ADCY2: variants seen among roughly 807,000 people sequenced by gnomAD.
The protein encoded by ADCY2 is adenylate cyclase type 2.
ADCY2 carries 31 observed loss-of-function variants against 125.2 expected under a neutral mutation model. The ratio of observed to expected loss-of-function variants is 0.25; its 90% confidence interval spans 0.19 to 0.33. ADCY2 has a LOEUF of 0.33. Among genes scored for constraint, ADCY2 ranks in the 10% least tolerant of loss-of-function variants. The pLI, the probability that ADCY2 is intolerant of heterozygous loss-of-function variation, is 1.00. For synonymous variants in ADCY2, 512 were observed against 548.4 expected (o/e 0.93, Z 0.93); for missense variants, 904 against 1,418.2 (o/e 0.64, Z 5.82).
At chr5:7,726,711 A>C (rs1321657954) in intron 13 of ADCY2, among the ~76,000 whole-genome samples, 2 of 152,198 alleles carry the variant, frequency 1.3e-5, no homozygotes, top group Non-Finnish European at 2.9e-5. Flanking sequence ...ACAAATAATA[A>C]AATAAAATAC....
intron 3 of ADCY2, among the ~76,000 whole-genome samples, chr5:7,579,826 G>C (rs1736370024): frequency 6.6e-6 from 1 of 152,172 alleles, no homozygotes; most frequent in Admixed American, 6.5e-5. Context: ...GAATTTTAAA[G>C]TGGCTATAAC....
At chr5:7,752,871 A>T (rs1459727060) in intron 15 of ADCY2, among the ~76,000 whole-genome samples, 2 of 148,668 alleles carry the variant, frequency 1.3e-5, no homozygotes, top group East Asian at 4.0e-4. Context: ...TGTCCCCATC[A>T]TCAATTCTAT....
At chr5:7,621,041 T>C (rs780541064) in intron 3 of ADCY2, among the ~76,000 whole-genome samples, 4 of 152,218 alleles carry the variant, frequency 2.6e-5, no homozygotes, top group Non-Finnish European at 4.4e-5. Context: ...ATTAGAATAG[T>C]AAACTCTTTA....
chr5:7,568,337 T>C (rs1011139163), intron 3 of ADCY2, among the ~76,000 whole-genome samples: 1 of 152,210 alleles, frequency 6.6e-6, no homozygotes, highest in African/African-American at 2.4e-5. Context: ...TGCATACCTC[T>C]TAATTAATCC....
intron 24 of ADCY2, among the ~76,000 whole-genome samples, chr5:7,825,184 C>T (rs1370553553): frequency 2.6e-5 from 4 of 151,218 alleles, no homozygotes; most frequent in African/African-American, 4.9e-5. Context: ...CTGTGCGCCA[C>T]GACAACGCTG....
intron 4 of ADCY2, among the ~76,000 whole-genome samples, chr5:7,658,503 T>C (rs1200672572): frequency 6.6e-6 from 1 of 151,846 alleles, no homozygotes; most frequent in Non-Finnish European, 1.5e-5. Flanking sequence ...TGATGCAATG[T>C]CTGCCTTCTG....
chr5:7,551,224 C>A (rs2126574145), intron 3 of ADCY2, among the ~76,000 whole-genome samples: 1 of 152,140 alleles, frequency 6.6e-6, no homozygotes, highest in African/African-American at 2.4e-5. Context: ...CTTGGTGGCT[C>A]TAAAAATCTT....
intron 3 of ADCY2, among the ~76,000 whole-genome samples, chr5:7,613,099 T>G (rs1188085765): frequency 6.6e-6 from 1 of 151,878 alleles, no homozygotes; most frequent in Non-Finnish European, 1.5e-5. Context: ...ATGGCACATG[T>G]ATACATATGT....
intron 20 of ADCY2, among the ~76,000 whole-genome samples, chr5:7,790,865 G>C (rs191640066): frequency 1.3e-5 from 2 of 152,278 alleles, no homozygotes; most frequent in East Asian, 3.9e-4. Context: ...CTTGATTAGT[G>C]CTCATTGAAA....
intron 18 of ADCY2, among the ~76,000 whole-genome samples, chr5:7,778,715 A>G (rs1375491165): frequency 6.6e-6 from 1 of 152,158 alleles, no homozygotes; most frequent in Non-Finnish European, 1.5e-5. Flanking sequence ...GTCTCATGGA[A>G]ATCCCAATGG....
At chr5:7,772,117 G>T (rs112990088) in intron 17 of ADCY2, among the ~76,000 whole-genome samples, 5,492 of 152,230 alleles carry the variant, frequency 0.036, 322 homozygotes, top group African/African-American at 0.13. Context: ...TCATTTTACA[G>T]TGTCATGCGG....
intron 7 of ADCY2, among the ~76,000 whole-genome samples, chr5:7,701,576 A>G (rs1233083970): frequency 3.9e-5 from 6 of 152,210 alleles, no homozygotes; most frequent in African/African-American, 1.4e-4. Context: ...TTGTGTAACC[A>G]TCGCCACTGT....
intron 15 of ADCY2, among the ~76,000 whole-genome samples, chr5:7,745,892 CAT>C (rs1182293927): frequency 7.2e-5 from 11 of 152,266 alleles, no homozygotes; most frequent in Admixed American, 5.9e-4. Context: ...ATTAAAGAAA[CAT>C]AGAGCTGGGG....
intron 3 of ADCY2, among the ~76,000 whole-genome samples, chr5:7,587,630 C>G (rs1048677667): frequency 2.6e-5 from 4 of 152,112 alleles, no homozygotes; most frequent in Non-Finnish European, 4.4e-5. Flanking sequence ...AATGTGGTAG[C>G]GGATTAAAAC....
At chr5:7,667,550 T>C (rs1739799549) in intron 4 of ADCY2, among the ~76,000 whole-genome samples, 1 of 152,190 alleles carries the variant, frequency 6.6e-6, no homozygotes, top group Admixed American at 6.5e-5. Context: ...TAAAATAACA[T>C]GTCAAGACTT....
chr5:7,498,491 G>A (rs377090746), intron 2 of ADCY2, among the ~76,000 whole-genome samples: 18 of 151,978 alleles, frequency 1.2e-4, no homozygotes, highest in East Asian at 3.9e-4. Flanking sequence ...CTCGTGATCC[G>A]CCTGCTTCAG....
chr5:7,571,032 A>G (rs938971659), intron 3 of ADCY2, among the ~76,000 whole-genome samples: 1 of 152,192 alleles, frequency 6.6e-6, no homozygotes, highest in Admixed American at 6.6e-5. Flanking sequence ...ATTGGAAGCA[A>G]TAACTTACAC....
chr5:7,626,447 C>T (rs1738130304), intron 4 of ADCY2, 131 bp downstream of exon 4: 3 of 1,042,702 alleles, frequency 2.9e-6, no homozygotes, highest in Middle Eastern at 2.6e-4. Flanking sequence ...CTGGGCTCTG[C>T]ACCTGGGGAG....
At chr5:7,402,109 A>C (rs1739287399) in intron 1 of ADCY2, among the ~76,000 whole-genome samples, 1 of 152,192 alleles carries the variant, frequency 6.6e-6, no homozygotes, top group Admixed American at 6.5e-5. Flanking sequence ...GCTCTAGGGC[A>C]AGCTATCATC....
Sources: allele counts gnomAD v4.1 joint callset (sites outside exome capture counted in the v4.1 genomes callset), GRCh38; gene constraint gnomAD v4.1.1; transcripts MANE v1.5; gene names NCBI Gene and HGNC (gene_info 2026-07-23, HGNC 2026-07-21).